ZNF717: variants seen among roughly 807,000 people sequenced by gnomAD.
ZNF717 encodes zinc finger protein 717.
ZNF717 carries 9 observed loss-of-function variants against 13.8 expected under a neutral mutation model. The ratio of observed to expected loss-of-function variants is 0.65; its 90% confidence interval spans 0.39 to 1.14. The LOEUF is 1.14. Among genes scored for constraint, ZNF717 ranks in the 50% most tolerant of loss-of-function variants. The pLI, the probability that ZNF717 is intolerant of heterozygous loss-of-function variation, is 0.01. For synonymous variants in ZNF717, 327 were observed against 364.1 expected (o/e 0.90, Z 1.16); for missense variants, 1,040 against 1,080.7 (o/e 0.96, Z 0.53).
intron 2 of ZNF717, among the ~76,000 whole-genome samples, chr3:75,770,826 T>C (rs1277650572): frequency 6.6e-6 from 1 of 152,152 alleles, no homozygotes; most frequent in African/African-American, 2.4e-5. Context: ...TAAAGAGGTC[T>C]AAGCTGTAGA....
At chr3:75,729,105 A>T (rs1938367666), downstream of ZNF717, among the ~76,000 whole-genome samples, 1 of 142,892 alleles carries the variant, frequency 7.0e-6, no homozygotes, top group South Asian at 2.3e-4. Context: ...TCTCATTTAT[A>T]CATAACATAG....
intron 2 of ZNF717, among the ~76,000 whole-genome samples, chr3:75,781,449 T>A (rs144734633): frequency 2.6e-5 from 4 of 152,184 alleles, no homozygotes; most frequent in African/African-American, 9.7e-5. Flanking sequence ...TCAACTAAAC[T>A]CCTTTAAAGT....
chr3:75,741,923 G>A, intron 2 of ZNF717, 187 bp from the exon 3 acceptor site: 1 of 664,668 alleles, frequency 1.5e-6, no homozygotes, highest in South Asian at 2.4e-5. Context: ...CTTGTCAAAA[G>A]AACAAGAATC....
chr3:75,770,232 CT>C (rs774218512), intron 2 of ZNF717, among the ~76,000 whole-genome samples: 36 of 152,200 alleles, frequency 2.4e-4, no homozygotes, highest in Non-Finnish European at 4.0e-4. Flanking sequence ...ACCAACTCAG[CT>C]CTTCTCCTGT....
chr3:75,743,821 A>G (rs1940782843), intron 2 of ZNF717, among the ~76,000 whole-genome samples: 1 of 152,258 alleles, frequency 6.6e-6, no homozygotes, highest in Admixed American at 6.5e-5. Context: ...TGTGAAGTGA[A>G]ATTTGCAAAA....
intron 2 of ZNF717, among the ~76,000 whole-genome samples, chr3:75,778,663 G>C (rs567834168): frequency 1.3e-5 from 2 of 148,210 alleles, no homozygotes; most frequent in Admixed American, 6.7e-5. Context: ...TGGGAGTGAC[G>C]TGCTAAACCA....
At chr3:75,729,482 G>A (rs1575727991), downstream of ZNF717, among the ~76,000 whole-genome samples, 1 of 152,198 alleles carries the variant, frequency 6.6e-6, no homozygotes, top group Admixed American at 6.5e-5. Flanking sequence ...AAGTGTGGTG[G>A]TGCATGCCTG....
chr3:75,782,532 T>C (rs746788244), intron 2 of ZNF717, among the ~76,000 whole-genome samples: 1 of 152,150 alleles, frequency 6.6e-6, no homozygotes, highest in Non-Finnish European at 1.5e-5. Context: ...AAGATGACTG[T>C]TTCCACTGCA....
At chr3:75,708,457 A>T (rs1462876567), downstream of ZNF717, among the ~76,000 whole-genome samples, 7 of 152,100 alleles carry the variant, frequency 4.6e-5, no homozygotes, top group Non-Finnish European at 1.5e-5. Flanking sequence ...TACACCAAAA[A>T]CCCATCTGTA....
intron 4 of ZNF717, among the ~76,000 whole-genome samples, chr3:75,721,440 C>T (rs1938163480): frequency 6.6e-6 from 1 of 152,068 alleles, no homozygotes. Flanking sequence ...CGCCAGCACG[C>T]CTGGCTAATT....
intron 2 of ZNF717, among the ~76,000 whole-genome samples, chr3:75,747,153 A>C (rs1941258622): frequency 6.6e-6 from 1 of 152,104 alleles, no homozygotes; most frequent in Non-Finnish European, 1.5e-5. Flanking sequence ...CAGGTATGTC[A>C]AAGATCAGAT....
downstream of ZNF717, among the ~76,000 whole-genome samples, chr3:75,734,608 T>C (rs1938918916): frequency 2.0e-5 from 3 of 150,230 alleles, no homozygotes; most frequent in Admixed American, 2.0e-4. Context: ...AATTTTGTTT[T>C]TGTATTTTTA....
intron 2 of ZNF717, among the ~76,000 whole-genome samples, chr3:75,749,492 T>G (rs1296242785): frequency 8.0e-4 from 121 of 151,416 alleles, no homozygotes; most frequent in Non-Finnish European, 1.5e-3. Context: ...GGGTTCTGAG[T>G]GTTTGTCCCT....
At position 75,738,493 on chromosome 3, in the gene ZNF717, T is replaced by A. The variant is rs1939827419; in HGVS notation, c.1130A>T (p.His377Leu). The A allele has an allele frequency of 6.5e-7, 1 of 1,531,278 alleles. No individual in the cohort carries two copies. The highest frequency in any genetic ancestry group is 1.4e-5 in the African/African-American group (1 of 72,642). The allele number at this position is 1,531,278 out of a possible 1,614,324, so 94.9% of individuals were successfully genotyped here. A position where few individuals can be genotyped will look rare whatever the true frequency, so the allele number is the denominator to read the frequency against. ...ATGTAAAGTGAGAAGTGACTTACAG[T>A]GAAAAGTTTTTCCACATTCAATACA... is the stretch of plus-strand genomic sequence containing the variant. ...YKCIECGKTF[H>L]CKSLLTLHHR... Residue 377 changes from histidine (H) to leucine (L), a missense_variant, in exon 5 of 5, where the codon CAC becomes CTC. By Grantham distance (99) the His-to-Leu change is moderately conservative. This residue lies in a region of ZNF717 where 873 missense variants were observed against 832.8 expected (regional missense o/e 1.05). Transcript: ENST00000652011.
exon 6 of ZNF717, chr3:75,710,458 ACAT>A (rs1937908075): frequency 6.6e-6 from 1 of 152,266 alleles, no homozygotes; most frequent in South Asian, 2.1e-4. Context: ...ATTTTCATTC[ACAT>A]CATTATTCTG....
intron 2 of ZNF717, among the ~76,000 whole-genome samples, chr3:75,743,459 G>C (rs1940731450): frequency 6.6e-6 from 1 of 151,192 alleles, no homozygotes; most frequent in African/African-American, 2.5e-5. Context: ...CTTTCTACGG[G>C]ACAAAAAATT....
At chr3:75,782,396 T>A (rs1944885902) in intron 2 of ZNF717, among the ~76,000 whole-genome samples, 1 of 152,192 alleles carries the variant, frequency 6.6e-6, no homozygotes, top group Non-Finnish European at 1.5e-5. Context: ...CATCCATGAA[T>A]CAAGGAGCAC....
At chr3:75,777,142 TAAG>T (rs1944380741) in intron 2 of ZNF717, among the ~76,000 whole-genome samples, 1 of 151,884 alleles carries the variant, frequency 6.6e-6, no homozygotes, top group Non-Finnish European at 1.5e-5. Flanking sequence ...GACAAGAAAT[TAAG>T]AAAAAATGTG....
At chr3:75,715,260 A>T (rs1374680774) in intron 5 of ZNF717, among the ~76,000 whole-genome samples, 4 of 152,234 alleles carry the variant, frequency 2.6e-5, no homozygotes, top group Admixed American at 2.6e-4. Flanking sequence ...TAAGAAAAAT[A>T]AAATCTCCAT....
Sources: allele counts gnomAD v4.1 joint callset (sites outside exome capture counted in the v4.1 genomes callset), GRCh38; gene constraint gnomAD v4.1.1; regional missense constraint gnomAD v4.1.1; transcripts MANE v1.5; gene names NCBI Gene and HGNC (gene_info 2026-07-23, HGNC 2026-07-21).